FOXN3: variants seen among roughly 807,000 people sequenced by gnomAD.
FOXN3 encodes the protein forkhead box N3, also known as forkhead box protein N3.
In FOXN3, 7 loss-of-function variants were observed where a neutral mutation model predicts 38.4. The observed-to-expected ratio is 0.18, with a 90% confidence interval of 0.10 to 0.34. FOXN3 has a LOEUF of 0.34. Among genes scored for constraint, FOXN3 ranks in the 10% least tolerant of loss-of-function variants. FOXN3 has a pLI of 1.00. For missense variants in FOXN3, 456 were observed against 613.4 expected (o/e 0.74, Z 2.71); for synonymous variants, 230 against 242.2 (o/e 0.95, Z 0.47).
chr14:89,389,984 C>A (rs181869719), intron 2 of FOXN3, among the ~76,000 whole-genome samples: 4 of 152,002 alleles, frequency 2.6e-5, no homozygotes, highest in Non-Finnish European at 5.9e-5. Flanking sequence ...CTTTGGGAGG[C>A]CGAGGTGGGC....
At chr14:89,421,730 C>A (rs10133317), upstream of FOXN3, among the ~76,000 whole-genome samples, 2 of 148,304 alleles carry the variant, frequency 1.3e-5, no homozygotes, top group African/African-American at 4.9e-5. Context: ...GGTTTCTCCA[C>A]GTTGGTCAGG....
At chr14:89,371,764 A>C (rs1890324726) in intron 2 of FOXN3, among the ~76,000 whole-genome samples, 1 of 152,066 alleles carries the variant, frequency 6.6e-6, no homozygotes, top group Non-Finnish European at 1.5e-5. Context: ...AGGATAAGAA[A>C]GTTAACCCCC....
chr14:89,271,856 T>A lies in FOXN3; in HGVS notation c.745+9094A>T, dbSNP rs1886158231. Among the ~76,000 whole-genome samples the A allele has an allele frequency of 2.6e-5, 4 of 152,230 alleles. No individual in the cohort carries two copies. The South Asian group carries it at 8.3e-4, about 31-fold the overall frequency. On this transcript the variant is annotated intron_variant, in intron 4 of 5. Transcript: ENST00000557258. ...CAAAACACTGTAGAACACCCAAATA[T>A]CTAAAGTAGAAAACTGTTTAGAAAT...
intron 1 of FOXN3, among the ~76,000 whole-genome samples, chr14:89,587,856 A>G (rs1256092286): frequency 8.0e-6 from 1 of 124,658 alleles, no homozygotes; most frequent in Non-Finnish European, 1.6e-5. Context: ...AAAGAGTAAG[A>G]CTCTGTCTCA....
Position 89,510,994 on chromosome 14 carries a change from G to T in FOXN3, c.-14-98504C>A, listed in dbSNP as rs568334594. Among the ~76,000 whole-genome samples, 9 of 151,914 alleles carry T rather than the reference G, an allele frequency of 5.9e-5. No homozygotes were observed. In the South Asian group the frequency reaches 8.4e-4, roughly 14 times the overall value. On this transcript the variant is annotated intron_variant, in intron 1 of 6. Coordinates refer to the FOXN3 transcript ENST00000345097. The stretch of plus-strand genomic sequence containing the variant: ...CATCACCCCCTGCCTTTTCCCAAAG[G>T]CTTCTTCTCCTGTTCCATTACAAAA...
chr14:89,227,967 G>A (rs7156851), intron 4 of FOXN3, among the ~76,000 whole-genome samples: 1 of 151,966 alleles, frequency 6.6e-6, no homozygotes, highest in African/African-American at 2.4e-5. Context: ...CTTGAACTCC[G>A]GGCCTCAAGC....
At chr14:89,510,062 G>A (rs565077089) in intron 1 of FOXN3, among the ~76,000 whole-genome samples, 16 of 152,252 alleles carry the variant, frequency 1.1e-4, no homozygotes, top group South Asian at 4.2e-4. Flanking sequence ...GATGAGAGGC[G>A]GATAGATATC....
chr14:89,336,133 T>A (rs1392718450), intron 3 of FOXN3, among the ~76,000 whole-genome samples: 1 of 98,894 alleles, frequency 1.0e-5, no homozygotes. Flanking sequence ...ACAGAAGTGA[T>A]CCTTACACAC....
At chr14:89,336,761 A>G (rs922051709) in intron 3 of FOXN3, among the ~76,000 whole-genome samples, 2 of 152,250 alleles carry the variant, frequency 1.3e-5, no homozygotes, top group Admixed American at 6.5e-5. Context: ...TTACAGTCCT[A>G]TAGTGCTAAA....
intron 3 of FOXN3, among the ~76,000 whole-genome samples, chr14:89,311,092 G>A (rs1887526933): frequency 1.6e-5 from 2 of 127,566 alleles, no homozygotes; most frequent in Admixed American, 8.4e-5. Context: ...GGCAACAATC[G>A]CGAAACTCCG....
chr14:89,216,049 G>T (rs1341382683), intron 4 of FOXN3, among the ~76,000 whole-genome samples: 1 of 152,174 alleles, frequency 6.6e-6, no homozygotes, highest in East Asian at 1.9e-4. Context: ...TTTGTGCCCA[G>T]GAGCAAAGAG....
chr14:89,601,820 G>A (rs891733105), intron 1 of FOXN3, among the ~76,000 whole-genome samples: 3 of 152,064 alleles, frequency 2.0e-5, no homozygotes, highest in Non-Finnish European at 2.9e-5. Context: ...CTGGGGCAGG[G>A]TCTTATCTCC....
rs1024033658 is a variant in FOXN3 at position 89,412,010 on chromosome 14, G to A, written c.467C>T (p.Thr156Ile). ...GTGTCTCACTGAGTTTTTCCACCCA[G>A]TAGGTGCATTTGCAAAATACGGAAA... ...EHFPYFANAP[T>I]GWKNSVRHNL... is the part of the protein sequence containing the mutation. Residue 156 changes from threonine to isoleucine, a missense_variant, in exon 2 of 6, where the codon ACT becomes ATT. By Grantham distance (89) the Thr-to-Ile change is moderately conservative (BLOSUM62 -1). Transcript: ENST00000557258. The surrounding 1 kb of genome is among the most constrained non-coding windows in gnomAD (Gnocchi z 4.7). The A allele has an allele frequency of 6.2e-6, 10 of 1,610,020 alleles. No homozygotes were observed. Among genetic ancestry groups the A allele is most frequent in the Non-Finnish European group, 7.6e-6 (9 of 1,178,118 alleles).
intron 1 of FOXN3, among the ~76,000 whole-genome samples, chr14:89,580,000 GA>G (rs5810468): frequency 0.73 from 111,142 of 151,540 alleles, 43,131 homozygotes; most frequent in Non-Finnish European, 0.86. Context: ...ATTCTGAAAA[GA>G]AAAAAAAATG....
At chr14:89,387,968 C>T (rs11159906) in intron 2 of FOXN3, among the ~76,000 whole-genome samples, 9 of 152,118 alleles carry the variant, frequency 5.9e-5, no homozygotes, top group Middle Eastern at 3.4e-3. Flanking sequence ...GGATCACCTG[C>T]GGTCACAAGT....
chr14:89,184,521 A>G (rs1488363882), intron 4 of FOXN3, among the ~76,000 whole-genome samples: 1 of 152,188 alleles, frequency 6.6e-6, no homozygotes, highest in African/African-American at 2.4e-5. Context: ...CCTACTGGAG[A>G]CCACGTTCTT....
At chr14:89,598,812 T>C (rs1896105732) in intron 1 of FOXN3, among the ~76,000 whole-genome samples, 1 of 152,216 alleles carries the variant, frequency 6.6e-6, no homozygotes, top group Non-Finnish European at 1.5e-5. Context: ...CTCTTTTTCT[T>C]TTATAAATGT....
intron 3 of FOXN3, chr14:89,290,975 C>T (rs1057167390): frequency 7.9e-6 from 3 of 377,820 alleles, no homozygotes; most frequent in African/African-American, 2.1e-5. Context: ...GTGGGTGCTG[C>T]GGACCTGTTC....
chr14:89,554,243 G>A (rs985692386), intron 1 of FOXN3, among the ~76,000 whole-genome samples: 1 of 152,014 alleles, frequency 6.6e-6, no homozygotes, highest in Non-Finnish European at 1.5e-5. Context: ...CTCGTGATCC[G>A]CCTTCCTCGG....
Sources: allele counts gnomAD v4.1 joint callset (sites outside exome capture counted in the v4.1 genomes callset), GRCh38; gene constraint gnomAD v4.1.1; non-coding constraint Gnocchi (gnomAD v3.1); transcripts MANE v1.5; gene names NCBI Gene and HGNC (gene_info 2026-07-23, HGNC 2026-07-21).